The following EPHA5 variants were observed in gnomAD, a reference collection of about 807,000 sequenced individuals.
EPHA5 encodes ephrin type-A receptor 5.
A neutral mutation model predicts 105.0 loss-of-function variants in EPHA5; 60 were observed. The observed-to-expected ratio is 0.57, with a 90% CI of 0.46 to 0.71. The LOEUF is 0.71. Among genes scored for constraint, EPHA5 ranks in the 30% least tolerant of loss-of-function variants. The probability of loss-of-function intolerance (pLI) is 0.00; values close to 1 mark genes in which losing one functional copy is unlikely to be tolerated. For missense variants in EPHA5, 1,218 were observed against 1,274.7 expected (o/e 0.96, Z 0.68); for synonymous variants, 513 against 449.1 (o/e 1.14, Z -1.80).
chr4:65,466,967 C>A (rs1728779775), intron 5 of EPHA5, among the ~76,000 whole-genome samples: 1 of 152,108 alleles, frequency 6.6e-6, no homozygotes, highest in Admixed American at 6.6e-5. Context: ...ATGAATTTCC[C>A]ACATCTGGGA....
At chr4:65,628,456 C>T (rs1405327071) in intron 2 of EPHA5, among the ~76,000 whole-genome samples, 3 of 152,044 alleles carry the variant, frequency 2.0e-5, no homozygotes, top group African/African-American at 7.2e-5. Context: ...TAATGGCATA[C>T]TGATACCACT....
chr4:65,468,166 C>G (rs1728901264), intron 5 of EPHA5, among the ~76,000 whole-genome samples: 1 of 152,034 alleles, frequency 6.6e-6, no homozygotes, highest in African/African-American at 2.4e-5. Context: ...CCTATCCAAC[C>G]TGCATCTGGC....
intron 2 of EPHA5, among the ~76,000 whole-genome samples, chr4:65,638,292 G>T (rs1207080000): frequency 5.9e-5 from 9 of 152,038 alleles, no homozygotes. Context: ...CACAACTGGG[G>T]ATAAAAATCT....
At chr4:65,383,220 T>TATAC (rs1553904540) in intron 8 of EPHA5, among the ~76,000 whole-genome samples, 1 of 144,548 alleles carries the variant, frequency 6.9e-6, no homozygotes, top group Non-Finnish European at 1.5e-5. Context: ...ATATATGATA[T>TATAC]ACACACACAC....
intron 2 of EPHA5, among the ~76,000 whole-genome samples, chr4:65,625,964 G>T (rs111456513): frequency 9.2e-5 from 14 of 152,160 alleles, no homozygotes; most frequent in African/African-American, 3.1e-4. Context: ...TCCGCGTTTG[G>T]TGGCGGGCGC....
At chr4:65,365,753 G>A (rs533605412) in intron 10 of EPHA5, among the ~76,000 whole-genome samples, 179 bp downstream of exon 10, 1 of 140,984 alleles carries the variant, frequency 7.1e-6, no homozygotes, top group East Asian at 2.1e-4. Flanking sequence ...CCAGATATTT[G>A]CTGGTTTAAG....
In EPHA5 at chr4:65,670,239, T is replaced by G; in HGVS notation, c.-497A>C. 4.3e-6 allele frequency: 1 copy of G among 234,566 alleles called. No homozygotes were observed. Among genetic ancestry groups the G allele is most frequent in the Non-Finnish European group, 8.4e-6 (1 of 119,084 alleles). 14.5% of individuals were successfully genotyped at this position (234,566 alleles called of 1,614,324 possible). ...TAAAGAAAGAGGACTTGAGAAAATG[T>G]GGAGAATGAAAAACAGGAGAGCAGC... On this transcript the variant is annotated 5_prime_UTR_variant, in exon 1 of 17. Transcript: ENST00000613740.
At chr4:65,359,302 G>C (rs1198552347) in intron 11 of EPHA5, among the ~76,000 whole-genome samples, 1 of 151,564 alleles carries the variant, frequency 6.6e-6, no homozygotes, top group Non-Finnish European at 1.5e-5. Flanking sequence ...AGTTGTTTAT[G>C]TATATCATTG....
At chr4:65,325,213 G>T (rs897523849) in intron 16 of EPHA5, among the ~76,000 whole-genome samples, 3 of 151,218 alleles carry the variant, frequency 2.0e-5, no homozygotes, top group Non-Finnish European at 3.0e-5. Flanking sequence ...TTTAATTCAA[G>T]ATTTTCTTAG....
chr4:65,522,316 G>GTATATATATATATATATATATATACATA (rs58851174), intron 3 of EPHA5, among the ~76,000 whole-genome samples: 15 of 142,860 alleles, frequency 1.0e-4, no homozygotes, highest in African/African-American at 4.0e-4. Context: ...ATATATATAT[G>GTATATATATATATATATATATATACATA]TATATATATA....
chr4:65,546,992 T>C (rs990818584), intron 3 of EPHA5, among the ~76,000 whole-genome samples: 1 of 152,056 alleles, frequency 6.6e-6, no homozygotes, highest in Non-Finnish European at 1.5e-5. Context: ...AGTCCACATG[T>C]GACTGGAAGC....
chr4:65,636,523 T>A (rs1578649987), intron 2 of EPHA5, among the ~76,000 whole-genome samples: 1 of 152,220 alleles, frequency 6.6e-6, no homozygotes, highest in Non-Finnish European at 1.5e-5. Context: ...AATCTCATTT[T>A]TTTTTTCATC....
In EPHA5 at chr4:65,643,379, G is replaced by T; in HGVS notation, c.230C>A (p.Ala77Asp). The T allele has an allele frequency of 6.2e-7, 1 of 1,612,702 alleles. No homozygotes were observed. The highest frequency in any genetic ancestry group is 8.5e-7 in the Non-Finnish European group (1 of 1,179,106). Residue 77 changes from alanine to aspartate, a missense_variant, in exon 2 of 17, where the codon GCT becomes GAT. Transcript: ENST00000613740. Reference sequence around the variant, plus strand: ...AAAACTTACCCCATTTTTTGGAAAAGCAATCCATCCCAGGTCCCCCATGAC... The same window carrying T: ...AAAACTTACCCCATTTTTTGGAAAATCAATCCATCCCAGGTCCCCCATGAC... ...RTVMGDLGWI[A>D]FPKNGWEEIG...
At position 65,322,953 on chromosome 4, in the gene EPHA5, C is replaced by T. The variant is rs551962773; in HGVS notation, c.*1161G>A. 21 of 228,952 alleles carry T rather than the reference C, an allele frequency of 9.2e-5. No homozygotes were observed. Among genetic ancestry groups the T allele is most frequent in the Non-Finnish European group, 1.5e-4 (17 of 115,434 alleles). 14.2% of individuals were successfully genotyped at this position (228,952 alleles called of 1,614,324 possible). ...GGATTAACACTTAAGGGTGATGCTT[C>T]GTGCTATGTGCCTGGATTTAACAAC... On this transcript the variant is annotated 3_prime_UTR_variant, in exon 17 of 17. Transcript: ENST00000613740.
At chr4:65,413,052 T>G (rs2149014582) in intron 7 of EPHA5, among the ~76,000 whole-genome samples, 1 of 152,270 alleles carries the variant, frequency 6.6e-6, no homozygotes, top group Admixed American at 6.5e-5. Flanking sequence ...GATGGCTAAC[T>G]TATATAGCAT....
At chr4:65,472,213 C>T (rs1729356304) in intron 5 of EPHA5, among the ~76,000 whole-genome samples, 1 of 152,164 alleles carries the variant, frequency 6.6e-6, no homozygotes, top group East Asian at 1.9e-4. Context: ...ACAAAATCAT[C>T]TCCTTGAGTC....
At chr4:65,434,515 C>A (rs369437022) in intron 5 of EPHA5, among the ~76,000 whole-genome samples, 1 of 152,040 alleles carries the variant, frequency 6.6e-6, no homozygotes, top group Non-Finnish European at 1.5e-5. Context: ...ACACTTTCCA[C>A]GGGACTACTT....
intron 3 of EPHA5, among the ~76,000 whole-genome samples, chr4:65,517,359 A>T (rs1340706682): frequency 2.0e-5 from 3 of 151,700 alleles, no homozygotes; most frequent in Admixed American, 2.0e-4. Flanking sequence ...CTGTGTCTTT[A>T]TATTTAAAAT....
Position 65,629,506 on chromosome 4 carries a change from T to G in EPHA5, c.246+13857A>C, listed in dbSNP as rs562899022. On this transcript the variant is annotated intron_variant, in intron 2 of 16. Transcript: ENST00000613740. Reference sequence around the variant, plus strand: ...AATAGTGGGATAAAATTCATATGTATTGTATGATCAGACTTTAGAAATATA... The same window carrying G: ...AATAGTGGGATAAAATTCATATGTAGTGTATGATCAGACTTTAGAAATATA... Among the ~76,000 whole-genome samples, 7 of 152,330 alleles carry G rather than the reference T, an allele frequency of 4.6e-5. No homozygotes were observed. The South Asian group carries it at 1.4e-3, about 32-fold the overall frequency.
Sources: gnomAD v4.1 joint callset for allele counts (sites outside exome capture counted in the v4.1 genomes callset) on GRCh38, gnomAD v4.1.1 for gene constraint, MANE v1.5 for transcripts, NCBI Gene and HGNC (gene_info 2026-07-23, HGNC 2026-07-21) for gene names.